The following ANKRD30BL variants were observed in gnomAD, a reference collection of about 807,000 sequenced individuals.
ANKRD30BL encodes the protein putative ankyrin repeat domain-containing protein 30B-like.
Under a neutral mutation model 18.4 loss-of-function variants are expected in ANKRD30BL, and 20 were observed. The observed-to-expected ratio is 1.09, with a 90% CI of 0.77 to 1.58. ANKRD30BL has a LOEUF of 1.58. Ranked by LOEUF, ANKRD30BL falls within the 40% of genes most tolerant of loss-of-function variation. ANKRD30BL has a pLI of 0.00. For missense variants in ANKRD30BL, 224 were observed against 268.6 expected, an observed-to-expected ratio of 0.83 and a Z score of 1.16; for synonymous variants, 72 against 100.9, an observed-to-expected ratio of 0.71 and a Z score of 1.72.
At chr2:132,217,964 C>A (rs1344335265) in intron 1 of ANKRD30BL, among the ~76,000 whole-genome samples, 1 of 151,704 alleles carries the variant, frequency 6.6e-6, no homozygotes, top group Non-Finnish European at 1.5e-5. Context: ...AAACTCTAGA[C>A]AGAAGCATTC....
At chr2:132,199,032 T>C (rs1679037418) in intron 1 of ANKRD30BL, among the ~76,000 whole-genome samples, 1 of 152,178 alleles carries the variant, frequency 6.6e-6, no homozygotes, top group South Asian at 2.1e-4. Flanking sequence ...GGGAAGATTA[T>C]ACCTGAGCAT....
intron 1 of ANKRD30BL, among the ~76,000 whole-genome samples, chr2:132,221,787 G>T (rs1679694064): frequency 8.7e-6 from 1 of 115,250 alleles, no homozygotes. Flanking sequence ...GAGCCCCTCT[G>T]CCCGGCCAGC....
chr2:132,233,220 A>G (rs1264003810), intron 1 of ANKRD30BL, among the ~76,000 whole-genome samples: 1 of 152,110 alleles, frequency 6.6e-6, no homozygotes. Flanking sequence ...AGTACCAGCC[A>G]CTGCAAAATC....
chr2:132,154,563 A>T, intron 4 of ANKRD30BL, 99 bp downstream of exon 4: 2 of 522,456 alleles, frequency 3.8e-6, no homozygotes, highest in Non-Finnish European at 6.9e-6. Context: ...GCATAATCTA[A>T]TAATTTTAAG....
At chr2:132,239,621 G>T (rs78319168) in intron 1 of ANKRD30BL, among the ~76,000 whole-genome samples, 4 of 151,656 alleles carry the variant, frequency 2.6e-5, no homozygotes, top group Non-Finnish European at 4.4e-5. Context: ...TGAGAATTTC[G>T]TTAGAAACGG....
At chr2:132,236,733 T>C (rs1290411003) in intron 1 of ANKRD30BL, among the ~76,000 whole-genome samples, 1 of 152,190 alleles carries the variant, frequency 6.6e-6, no homozygotes, top group East Asian at 1.9e-4. Flanking sequence ...CTCAGGGATC[T>C]AGGACTAGAA....
At chr2:132,172,517 ATCT>A (rs1369329400) in intron 1 of ANKRD30BL, among the ~76,000 whole-genome samples, 1 of 152,126 alleles carries the variant, frequency 6.6e-6, no homozygotes, top group Admixed American at 6.6e-5. Context: ...CCATTCATAC[ATCT>A]TCTTTAGATA....
At chr2:132,157,282 C>T in intron 2 of ANKRD30BL, 27 bp downstream of exon 2, 6 of 834,782 alleles carry the variant, frequency 7.2e-6, no homozygotes, top group Middle Eastern at 2.7e-4. Flanking sequence ...AATCCATCTC[C>T]TGCTGAAAGA....
chr2:132,249,124 A>C (rs1680581757), intron 1 of ANKRD30BL, among the ~76,000 whole-genome samples: 1 of 152,110 alleles, frequency 6.6e-6, no homozygotes, highest in Non-Finnish European at 1.5e-5. Flanking sequence ...TTTTATGTGA[A>C]GATATTTCCT....
At chr2:132,164,269 CTTTTTTTTTTTTTT>C (rs796313755), upstream of ANKRD30BL, among the ~76,000 whole-genome samples, 1 of 112,224 alleles carries the variant, frequency 8.9e-6, no homozygotes, top group Non-Finnish European at 1.8e-5. Context: ...TTTTCTTTTT[CTTTTTTTTTTTTTT>C]TTTTTTTTTT....
At chr2:132,222,902 G>A (rs1485310187) in intron 1 of ANKRD30BL, among the ~76,000 whole-genome samples, 1 of 143,238 alleles carries the variant, frequency 7.0e-6, no homozygotes, top group African/African-American at 2.5e-5. Context: ...GTGAACTTTT[G>A]GAGCACTTTG....
At chr2:132,198,268 T>TTTCTTTG (rs1428022123) in intron 1 of ANKRD30BL, among the ~76,000 whole-genome samples, 2 of 109,776 alleles carry the variant, frequency 1.8e-5, no homozygotes, top group African/African-American at 9.9e-5. Context: ...TCTTTCTTTC[T>TTTCTTTG]TTTCTTTCTT....
Position 132,158,795 on chromosome 2 carries a change from C to T in ANKRD30BL, c.219-1372G>A, listed in dbSNP as rs1465010157. Among the ~76,000 whole-genome samples, 10 of 150,234 alleles carry T rather than the reference C, an allele frequency of 6.7e-5. No homozygotes were observed. The South Asian group carries it at 2.1e-3, about 32-fold the overall frequency. On this transcript the variant is annotated intron_variant, in intron 1 of 5. Coordinates refer to ENST00000409867, the MANE Select transcript of ANKRD30BL (RefSeq NM_001358416.1). ...AATTATTGACATATATGTAATAAAT[C>T]TATATATAATAAAAATATGTGTCTA...
chr2:132,225,200 G>A (rs1349243384), intron 1 of ANKRD30BL, among the ~76,000 whole-genome samples: 4 of 151,816 alleles, frequency 2.6e-5, no homozygotes, highest in Non-Finnish European at 1.5e-5. Flanking sequence ...TTTGTTCTGT[G>A]TGCATTCAGC....
chr2:132,235,464 T>G (rs1420908964), intron 1 of ANKRD30BL, among the ~76,000 whole-genome samples: 1 of 152,130 alleles, frequency 6.6e-6, no homozygotes, highest in African/African-American at 2.4e-5. Context: ...AAAATCTCCT[T>G]CAGCTGATAA....
chr2:132,193,429 A>G (rs956012071), intron 1 of ANKRD30BL, among the ~76,000 whole-genome samples: 1 of 152,194 alleles, frequency 6.6e-6, no homozygotes, highest in African/African-American at 2.4e-5. Flanking sequence ...TTCTGTTCAC[A>G]GATCCTGAGC....
chr2:132,154,053 C>T (rs1176216130), intron 4 of ANKRD30BL, among the ~76,000 whole-genome samples: 3 of 152,182 alleles, frequency 2.0e-5, no homozygotes, highest in Non-Finnish European at 4.4e-5. Flanking sequence ...TGAGAGCAAT[C>T]TGAAGACTTA....
chr2:132,190,472 T>C (rs1305347269), intron 1 of ANKRD30BL, among the ~76,000 whole-genome samples: 1 of 151,370 alleles, frequency 6.6e-6, no homozygotes, highest in Non-Finnish European at 1.5e-5. Context: ...AACTACTGAA[T>C]CATTTCCAGG....
chr2:132,167,810 A>G (rs972739125), intron 1 of ANKRD30BL, among the ~76,000 whole-genome samples: 40 of 152,338 alleles, frequency 2.6e-4, no homozygotes, highest in African/African-American at 9.6e-4. Context: ...CTATCTTCAA[A>G]TAAAATTGTT....
Sources: gnomAD v4.1 joint callset for allele counts (sites outside exome capture counted in the v4.1 genomes callset) on GRCh38, gnomAD v4.1.1 for gene constraint, MANE v1.5 for transcripts, NCBI Gene and HGNC (gene_info 2026-07-23, HGNC 2026-07-21) for gene names.